Variants in KLHL1 observed in about 807,000 individuals in gnomAD.
The protein encoded by KLHL1 is kelch like family member 1, also known as kelch-like protein 1.
Under a neutral mutation model 77.7 loss-of-function variants are expected in KLHL1, and 47 were observed. That is an observed-to-expected ratio of 0.60 (90% CI 0.48 to 0.77). The LOEUF is 0.77. KLHL1 is among the 30% of genes least tolerant of loss of function. The probability of loss-of-function intolerance (pLI) is 0.00; values close to 1 mark genes in which losing one functional copy is unlikely to be tolerated. For synonymous variants in KLHL1, 360 were observed against 325.2 expected, an observed-to-expected ratio of 1.11 and a Z score of -1.15; for missense variants, 925 against 910.8, an observed-to-expected ratio of 1.02 and a Z score of -0.20.
chr13:69,872,773 A>G (rs1170620954), intron 5 of KLHL1, among the ~76,000 whole-genome samples: 1 of 152,112 alleles, frequency 6.6e-6, no homozygotes, highest in Non-Finnish European at 1.5e-5. Flanking sequence ...TAACAGTGGG[A>G]GGGGCAAGGC....
At chr13:69,987,167 G>A (rs571013543) in intron 1 of KLHL1, among the ~76,000 whole-genome samples, 58 of 151,874 alleles carry the variant, frequency 3.8e-4, no homozygotes, top group African/African-American at 1.3e-3. Context: ...TTCACCATTC[G>A]CAATGTATCT....
chr13:70,047,517 C>A (rs1308904314), intron 1 of KLHL1, among the ~76,000 whole-genome samples: 5 of 152,032 alleles, frequency 3.3e-5, no homozygotes, highest in African/African-American at 4.8e-5. Context: ...ACTTACCCCA[C>A]TCACTGTTTC....
At chr13:69,753,109 T>C (rs893432671) in intron 7 of KLHL1, among the ~76,000 whole-genome samples, 2 of 152,184 alleles carry the variant, frequency 1.3e-5, no homozygotes, top group Non-Finnish European at 2.9e-5. Flanking sequence ...TTTGCCTTCA[T>C]GGGAGTTAGT....
chr13:70,008,054 A>C (rs999120126), intron 1 of KLHL1, among the ~76,000 whole-genome samples: 2 of 151,902 alleles, frequency 1.3e-5, no homozygotes, highest in African/African-American at 4.8e-5. Context: ...GGCTCTTACT[A>C]TTTGGTTTTC....
At chr13:70,080,366 T>A (rs1887364929) in intron 1 of KLHL1, among the ~76,000 whole-genome samples, 1 of 152,140 alleles carries the variant, frequency 6.6e-6, no homozygotes, top group Non-Finnish European at 1.5e-5. Flanking sequence ...GAAAAATGTA[T>A]GATAATTAGA....
intron 7 of KLHL1, among the ~76,000 whole-genome samples, chr13:69,782,195 C>T (rs1263709447): frequency 2.6e-5 from 4 of 152,144 alleles, no homozygotes; most frequent in Non-Finnish European, 5.9e-5. Flanking sequence ...GTCAAGATGG[C>T]CGAACAGGAA....
At chr13:70,047,315 C>CA (rs2137387079) in intron 1 of KLHL1, among the ~76,000 whole-genome samples, 1 of 144,440 alleles carries the variant, frequency 6.9e-6, no homozygotes, top group South Asian at 2.2e-4. Flanking sequence ...AAAACAAAAA[C>CA]AGAGACTGTA....
intron 1 of KLHL1, among the ~76,000 whole-genome samples, chr13:69,990,971 C>A (rs987841870): frequency 6.6e-6 from 1 of 151,812 alleles, no homozygotes; most frequent in Non-Finnish European, 1.5e-5. Context: ...GACCACGGAG[C>A]ATCAAAATAG....
chr13:69,954,154 A>T (rs117917755), intron 3 of KLHL1, among the ~76,000 whole-genome samples: 1 of 151,444 alleles, frequency 6.6e-6, no homozygotes, highest in Non-Finnish European at 1.5e-5. Context: ...ATGTCCAAGG[A>T]TCAGAATGAA....
intron 3 of KLHL1, among the ~76,000 whole-genome samples, chr13:69,950,590 T>C (rs904426170): frequency 2.0e-5 from 3 of 151,606 alleles, no homozygotes; most frequent in African/African-American, 7.2e-5. Context: ...AATGATTAAC[T>C]CATGGTCGTA....
chr13:70,069,897 G>C (rs953032216), intron 1 of KLHL1, among the ~76,000 whole-genome samples: 1 of 151,968 alleles, frequency 6.6e-6, no homozygotes, highest in African/African-American at 2.4e-5. Flanking sequence ...GGCCGGGCAC[G>C]GTGGCTCATG....
intron 5 of KLHL1, among the ~76,000 whole-genome samples, chr13:69,849,757 A>G (rs1879611298): frequency 6.6e-6 from 1 of 151,438 alleles, no homozygotes; most frequent in Non-Finnish European, 1.5e-5. Flanking sequence ...TATTGTTGGT[A>G]CCACTAACAG....
At chr13:69,873,911 G>A (rs1880673879) in intron 5 of KLHL1, among the ~76,000 whole-genome samples, 1 of 152,064 alleles carries the variant, frequency 6.6e-6, no homozygotes, top group African/African-American at 2.4e-5. Context: ...TGTAAGAAGG[G>A]AAATAAACCA....
intron 3 of KLHL1, among the ~76,000 whole-genome samples, chr13:69,960,954 T>C (rs951064170): frequency 1.3e-5 from 2 of 152,006 alleles, no homozygotes; most frequent in Non-Finnish European, 1.5e-5. Flanking sequence ...TTTGAACCCA[T>C]CATTTCCAAA....
intron 7 of KLHL1, among the ~76,000 whole-genome samples, chr13:69,791,022 G>A (rs1876847932): frequency 6.6e-6 from 1 of 152,008 alleles, no homozygotes; most frequent in Non-Finnish European, 1.5e-5. Flanking sequence ...GTGAATGCTG[G>A]AGGGTCAAGC....
At chr13:69,934,872 T>C (rs1446039376) in intron 4 of KLHL1, among the ~76,000 whole-genome samples, 1 of 151,056 alleles carries the variant, frequency 6.6e-6, no homozygotes, top group East Asian at 2.0e-4. Context: ...AAACATCATT[T>C]ATTTAAGGAA....
chr13:69,738,283 T>C (rs1315644635), intron 8 of KLHL1, among the ~76,000 whole-genome samples: 1 of 151,372 alleles, frequency 6.6e-6, no homozygotes, highest in African/African-American at 2.4e-5. Flanking sequence ...TCCATGAAGA[T>C]GAGAAAGAAT....
intron 10 of KLHL1, among the ~76,000 whole-genome samples, chr13:69,707,006 T>A (rs1406434815): frequency 6.6e-6 from 1 of 151,912 alleles, no homozygotes; most frequent in Non-Finnish European, 1.5e-5. Flanking sequence ...GATAAACCAG[T>A]CATGTTACTC....
At chr13:70,050,093 T>A (rs1438912256) in intron 1 of KLHL1, among the ~76,000 whole-genome samples, 1 of 151,990 alleles carries the variant, frequency 6.6e-6, no homozygotes, top group Non-Finnish European at 1.5e-5. Flanking sequence ...CATTGATTAT[T>A]TAAATTGAGC....
Sources: gnomAD v4.1 joint callset for allele counts (sites outside exome capture counted in the v4.1 genomes callset) on GRCh38, gnomAD v4.1.1 for gene constraint, MANE v1.5 for transcripts, NCBI Gene and HGNC (gene_info 2026-07-23, HGNC 2026-07-21) for gene names.